Variants in FMN1 observed in about 807,000 individuals in gnomAD.
FMN1 encodes formin 1, also known as formin-1.
Under a neutral mutation model 132.4 loss-of-function variants are expected in FMN1, and 110 were observed. The ratio of observed to expected loss-of-function variants is 0.83; its 90% CI spans 0.71 to 0.97. The LOEUF (loss-of-function observed/expected upper bound fraction) is 0.97, where lower values mean the gene tolerates loss of function less well. Ranked by LOEUF, FMN1 falls within the 50% of genes least tolerant of loss-of-function variation. The pLI is 0.00. For synonymous variants in FMN1, 722 were observed against 651.7 expected, an observed-to-expected ratio of 1.11 and a Z score of -1.64; for missense variants, 1,792 against 1,705.3, an observed-to-expected ratio of 1.05 and a Z score of -0.90.
chr15:32,826,471 G>A (rs544795091), intron 17 of FMN1, among the ~76,000 whole-genome samples: 9 of 152,314 alleles, frequency 5.9e-5, no homozygotes, highest in African/African-American at 2.2e-4. Context: ...AAGGGCTAAT[G>A]TCATCAGATC....
intron 10 of FMN1, among the ~76,000 whole-genome samples, chr15:32,924,836 T>C (rs1044065949): frequency 1.3e-5 from 2 of 152,016 alleles, no homozygotes; most frequent in Admixed American, 1.3e-4. Context: ...ATCACTTGAA[T>C]CCGGGAGGCA....
intron 8 of FMN1, among the ~76,000 whole-genome samples, chr15:32,964,904 C>A (rs752192775): frequency 2.0e-4 from 31 of 152,280 alleles, no homozygotes; most frequent in Non-Finnish European, 3.5e-4. Flanking sequence ...GGGATATCAT[C>A]TAAAGTAGCC....
intron 17 of FMN1, among the ~76,000 whole-genome samples, chr15:32,819,107 TGAA>T (rs966231599): frequency 3.3e-5 from 5 of 152,156 alleles, no homozygotes; most frequent in African/African-American, 7.2e-5. Context: ...CAAGGCGAGC[TGAA>T]GAAGAACCCC....
At chr15:32,795,015 G>A (rs1424663765) in intron 19 of FMN1, among the ~76,000 whole-genome samples, 2 of 152,106 alleles carry the variant, frequency 1.3e-5, no homozygotes, top group Non-Finnish European at 2.9e-5. Context: ...GGGCAACATA[G>A]TGAGACACCG....
At chr15:32,959,270 T>G (rs1339809172) in intron 9 of FMN1, among the ~76,000 whole-genome samples, 1 of 152,112 alleles carries the variant, frequency 6.6e-6, no homozygotes, top group Non-Finnish European at 1.5e-5. Context: ...CTGAAACTCC[T>G]CAGCTGCTCA....
intron 4 of FMN1, among the ~76,000 whole-genome samples, chr15:33,095,839 G>A (rs1344718592): frequency 6.6e-6 from 1 of 152,030 alleles, no homozygotes; most frequent in Non-Finnish European, 1.5e-5. Flanking sequence ...GTAATTACTG[G>A]TTGTCTTAAT....
chr15:32,942,656 T>A (rs548804633), intron 9 of FMN1, among the ~76,000 whole-genome samples: 2 of 152,212 alleles, frequency 1.3e-5, no homozygotes, highest in Non-Finnish European at 2.9e-5. Flanking sequence ...AACACATTCA[T>A]ACCTATACCA....
chr15:32,991,437 T>G (rs1156282240), intron 7 of FMN1, among the ~76,000 whole-genome samples: 1 of 152,100 alleles, frequency 6.6e-6, no homozygotes, highest in Non-Finnish European at 1.5e-5. Flanking sequence ...CCCTACATGA[T>G]CTAAACAACA....
chr15:33,082,078 C>T (rs568903245), intron 5 of FMN1, among the ~76,000 whole-genome samples: 161 of 129,122 alleles, frequency 1.2e-3, no homozygotes, highest in African/African-American at 5.1e-3. Flanking sequence ...GCTTTGTCAC[C>T]CAGGCTGGAA....
chr15:33,008,216 A>C, intron 6 of FMN1, 141 bp from the exon 7 acceptor site: 4 of 691,350 alleles, frequency 5.8e-6, no homozygotes, highest in Admixed American at 2.7e-5. Context: ...TAAAAATTAC[A>C]GAAAGATAGG....
intron 4 of FMN1, among the ~76,000 whole-genome samples, chr15:33,137,207 C>T (rs1323690337): frequency 2.0e-5 from 3 of 151,866 alleles, no homozygotes; most frequent in African/African-American, 7.3e-5. Context: ...AAGTGTGTAC[C>T]CACAGATGTC....
intron 4 of FMN1, among the ~76,000 whole-genome samples, chr15:33,139,047 T>C (rs539847378): frequency 6.6e-6 from 1 of 152,328 alleles, no homozygotes; most frequent in East Asian, 1.9e-4. Flanking sequence ...CTAATGATAT[T>C]TTAATAATTA....
rs2057385101 is a variant in FMN1, at chr15:32,798,942, G to GGC, written c.3991_3992insGC (p.Thr1331SerfsTer8). 1 of 1,612,938 alleles carries GGC rather than the reference G, an allele frequency of 6.2e-7. No individual in the cohort carries two copies. The highest frequency in any genetic ancestry group is 1.3e-5 in the African/African-American group (1 of 74,838). ...TGGCTTCATCCCAAAATATCGTACT[G>GGC]TTGTTTCAAAACTGCAACAGGTAGG... On this transcript the variant is annotated frameshift_variant, in exon 19 of 21. Coordinates refer to ENST00000616417, the MANE Select transcript of FMN1 (RefSeq NM_001277313.2). LOFTEE classifies it high-confidence loss of function.
intron 7 of FMN1, among the ~76,000 whole-genome samples, chr15:32,985,819 T>C (rs1237518720): frequency 6.6e-5 from 10 of 152,130 alleles, no homozygotes; most frequent in Non-Finnish European, 1.3e-4. Flanking sequence ...AGTCGATCAA[T>C]TGATCTCAAA....
At chr15:33,046,416 T>A (rs920945014) in intron 6 of FMN1, among the ~76,000 whole-genome samples, 1 of 152,206 alleles carries the variant, frequency 6.6e-6, no homozygotes, top group African/African-American at 2.4e-5. Context: ...GATTTAGAAA[T>A]GACAGGACCC....
intron 7 of FMN1, among the ~76,000 whole-genome samples, chr15:32,972,694 T>G (rs2140691444): frequency 6.6e-6 from 1 of 152,336 alleles, no homozygotes; most frequent in South Asian, 2.1e-4. Context: ...TGCCATTTTT[T>G]TCCTTATCAC....
intron 17 of FMN1, among the ~76,000 whole-genome samples, chr15:32,841,433 T>C (rs1382143762): frequency 1.3e-5 from 2 of 152,152 alleles, no homozygotes; most frequent in Non-Finnish European, 2.9e-5. Context: ...TTATCTATAT[T>C]TTTGGGAACA....
intron 17 of FMN1, among the ~76,000 whole-genome samples, chr15:32,819,676 T>C (rs979218277): frequency 2.6e-5 from 4 of 152,122 alleles, no homozygotes; most frequent in East Asian, 1.9e-4. Context: ...TAATGACTGA[T>C]AGGAAAAAAA....
chr15:33,188,030 C>T (rs1308537294), intron 2 of FMN1, among the ~76,000 whole-genome samples: 1 of 152,014 alleles, frequency 6.6e-6, no homozygotes, highest in African/African-American at 2.4e-5. Flanking sequence ...TGCTAAAAGC[C>T]CTCTTTTTAA....
Sources: gnomAD v4.1 joint callset for allele counts (sites outside exome capture counted in the v4.1 genomes callset) on GRCh38, gnomAD v4.1.1 for gene constraint, MANE v1.5 for transcripts, NCBI Gene and HGNC (gene_info 2026-07-23, HGNC 2026-07-21) for gene names.